Variants in DIP2C observed in about 807,000 individuals in gnomAD.
DIP2C encodes DIP2 acetate--CoA ligase C (putative), also known as disco-interacting protein 2 homolog C.
Under a neutral mutation model 192.4 loss-of-function variants are expected in DIP2C, and 33 were observed. That is an observed-to-expected ratio of 0.17 (90% CI 0.13 to 0.23). The LOEUF is 0.23. Among genes scored for constraint, DIP2C ranks in the 10% least tolerant of loss-of-function variants. The pLI is 1.00. For synonymous variants in DIP2C, 979 were observed against 864.1 expected (o/e 1.13, Z -2.33); for missense variants, 1,537 against 2,110.1 (o/e 0.73, Z 5.32).
At chr10:545,040 CG>C (rs1361906433) in intron 1 of DIP2C, among the ~76,000 whole-genome samples, 1 of 152,072 alleles carries the variant, frequency 6.6e-6, no homozygotes, top group Non-Finnish European at 1.5e-5. Context: ...ACTGTGTCCC[CG>C]CAAGATTCCC....
intron 18 of DIP2C, among the ~76,000 whole-genome samples, chr10:366,919 A>G (rs984066125): frequency 6.6e-6 from 1 of 152,050 alleles, no homozygotes; most frequent in Non-Finnish European, 1.5e-5. Flanking sequence ...TGCCACCAAC[A>G]CTTTCATGCT....
rs869031173 is a variant in DIP2C, at chr10:606,606, C to CTGAATT, written c.85+82887_85+82888insAATTCA. Among the ~76,000 whole-genome samples, 177 of 151,054 alleles carry CTGAATT rather than the reference C, an allele frequency of 1.2e-3. 11 individuals carry two copies. Among genetic ancestry groups the CTGAATT allele is most frequent in the Middle Eastern group, 3.4e-3 (1 of 292 alleles). ...CGCTGCCGTAATTACCTGCTGTGATCCGAATTCTCATTGGTTGGGAGGGGA... is the reference window on the plus strand; with the variant it reads ...CGCTGCCGTAATTACCTGCTGTGATCTGAATTCGAATTCTCATTGGTTGGGAGGGGA... On this transcript the variant is annotated intron_variant, in intron 1 of 36. Coordinates refer to ENST00000280886, the MANE Select transcript of DIP2C (RefSeq NM_014974.3).
intron 1 of DIP2C, among the ~76,000 whole-genome samples, chr10:562,092 A>C (rs904855485): frequency 6.6e-6 from 1 of 152,234 alleles, no homozygotes; most frequent in African/African-American, 2.4e-5. Context: ...GAAATCAGCT[A>C]CATCTTTTGC....
rs772956502 is a variant in DIP2C at position 327,012 on chromosome 10, G to A, written c.3918C>T (p.Cys1306=). ...TGATGTCGCCGAATCTCACCTGCAAGCAAATCGCCAGGTTCACCCTGCAAC... is the reference window on the plus strand; with the variant it reads ...TGATGTCGCCGAATCTCACCTGCAAACAAATCGCCAGGTTCACCCTGCAAC... ...SFGCRVNLAI[C]LQGTSGPDPT... is the part of the protein sequence containing the mutation. The change falls in exon 31 of 37, where the codon TGC becomes TGT. Residue 1306 remains cysteine (C), a synonymous_variant. Transcript: ENST00000280886. The A allele has an allele frequency of 6.2e-7, 1 of 1,612,518 alleles. No homozygotes were observed. Among genetic ancestry groups the A allele is most frequent in the East Asian group, 2.2e-5 (1 of 44,878 alleles).
chr10:662,129 C>G (rs1856797665), intron 1 of DIP2C: 1 of 717,352 alleles, frequency 1.4e-6, no homozygotes, highest in East Asian at 2.7e-5. Context: ...GTAAGGACTT[C>G]CACATTCTGA....
intron 1 of DIP2C, among the ~76,000 whole-genome samples, chr10:535,014 C>T (rs899320388): frequency 4.6e-5 from 7 of 152,120 alleles, no homozygotes; most frequent in African/African-American, 7.2e-5. Context: ...CTTAAGAGCT[C>T]GGTGTACACA....
At chr10:510,622 C>G (rs980067460) in intron 1 of DIP2C, among the ~76,000 whole-genome samples, 2 of 152,198 alleles carry the variant, frequency 1.3e-5, no homozygotes, top group African/African-American at 4.8e-5. Context: ...GACAGCAGAG[C>G]AATGGGGATA....
At chr10:643,348 C>T (rs572667908) in intron 1 of DIP2C, among the ~76,000 whole-genome samples, 1 of 152,194 alleles carries the variant, frequency 6.6e-6, no homozygotes, top group South Asian at 2.1e-4. Context: ...CCCGTCTCTA[C>T]TAAAAATACA....
At chr10:484,747 C>A in intron 2 of DIP2C, 2 of 1,603,292 alleles carry the variant, frequency 1.2e-6, no homozygotes, top group African/African-American at 1.3e-5. Context: ...GTGTACCCTG[C>A]TGTGGGGCTG....
intron 1 of DIP2C, among the ~76,000 whole-genome samples, chr10:632,362 C>T (rs183697414): frequency 1.3e-5 from 2 of 151,598 alleles, no homozygotes; most frequent in Non-Finnish European, 2.9e-5. Context: ...CAGCCAGCAC[C>T]GTAACTGGAG....
At chr10:288,926 ACT>A (rs1382528425) in intron 32 of DIP2C, among the ~76,000 whole-genome samples, 1 of 152,152 alleles carries the variant, frequency 6.6e-6, no homozygotes, top group Non-Finnish European at 1.5e-5. Flanking sequence ...CAGAAAAGAA[ACT>A]CTTACTTCAA....
chr10:484,410 T>C (rs1843844316), intron 2 of DIP2C, among the ~76,000 whole-genome samples: 1 of 152,208 alleles, frequency 6.6e-6, no homozygotes, highest in Admixed American at 6.5e-5. Flanking sequence ...CCAAGACCCA[T>C]CAGCTCATCC....
intron 1 of DIP2C, among the ~76,000 whole-genome samples, chr10:594,070 G>GC (rs1851558243): frequency 6.6e-6 from 1 of 152,184 alleles, no homozygotes; most frequent in Admixed American, 6.5e-5. Flanking sequence ...TAACAGAGCA[G>GC]CCGTGCACAG....
intron 1 of DIP2C, among the ~76,000 whole-genome samples, chr10:498,220 C>T (rs2133627729): frequency 6.6e-6 from 1 of 152,290 alleles, no homozygotes; most frequent in Non-Finnish European, 1.5e-5. Context: ...TCTTGCTATC[C>T]AGCTGGCTTC....
chr10:448,246 G>A (rs182953998), intron 3 of DIP2C, among the ~76,000 whole-genome samples: 20 of 114,778 alleles, frequency 1.7e-4, no homozygotes, highest in African/African-American at 4.7e-4. Context: ...CACACACAGT[G>A]GGGCAGCAGG....
intron 1 of DIP2C, among the ~76,000 whole-genome samples, chr10:579,243 G>C (rs1850404847): frequency 6.6e-6 from 1 of 151,626 alleles, no homozygotes; most frequent in Non-Finnish European, 1.5e-5. Flanking sequence ...ACGTACATAG[G>C]TACACTAACA....
At chr10:454,619 C>T (rs1392554785) in intron 3 of DIP2C, among the ~76,000 whole-genome samples, 1 of 120,874 alleles carries the variant, frequency 8.3e-6, no homozygotes, top group Admixed American at 7.4e-5. Context: ...AACATCAGCA[C>T]CCTTCGAACC....
In DIP2C at chr10:378,406, G is replaced by A. The variant is rs189098057; in HGVS notation, c.1991+4241C>T. 5.1e-4 allele frequency among the ~76,000 whole-genome samples: 77 copies of A among 152,290 alleles called. 1 individual carries two copies. Among genetic ancestry groups the A allele is most frequent in the African/African-American group, 1.8e-3 (74 of 41,556 alleles). The stretch of plus-strand genomic sequence containing the variant: ...AAACAGGCATACACAGGTGAAGACA[G>A]ACATGAAGGCATGCATGCATGAACA... On this transcript the variant is annotated intron_variant, in intron 17 of 36. Coordinates refer to ENST00000280886, the MANE Select transcript of DIP2C (RefSeq NM_014974.3).
chr10:414,886 GTGTGTATA>G lies in DIP2C; in HGVS notation c.860-784_860-777del, dbSNP rs1370679160. ...TGTGTGTGTGTGTGTGTGTGTGTGT[GTGTGTATA>G]TATATATATATATTTTTTTTTTTTT... On this transcript the variant is annotated intron_variant, in intron 7 of 36. Coordinates refer to ENST00000280886, the MANE Select transcript of DIP2C (RefSeq NM_014974.3). Among the ~76,000 whole-genome samples the G allele has an allele frequency of 6.2e-3, 378 of 61,272 alleles. 10 individuals carry two copies. Among genetic ancestry groups the G allele is most frequent in the African/African-American group, 0.014 (260 of 18,332 alleles). The allele number at this position is 61,272 out of a possible 152,430, so 40.2% of individuals were successfully genotyped here. A position where few individuals can be genotyped will look rare whatever the true frequency, so the allele number is the denominator to read the frequency against.
Sources: allele counts gnomAD v4.1 joint callset (sites outside exome capture counted in the v4.1 genomes callset), GRCh38; gene constraint gnomAD v4.1.1; transcripts MANE v1.5; gene names NCBI Gene and HGNC (gene_info 2026-07-23, HGNC 2026-07-21).